DGAT1: variants seen among roughly 807,000 people sequenced by gnomAD.
DGAT1 encodes diacylglycerol O-acyltransferase 1, also known as ACAT related gene product 1.
Under a neutral mutation model 72.6 loss-of-function variants are expected in DGAT1, and 60 were observed. The ratio of observed to expected loss-of-function variants is 0.83; its 90% CI spans 0.67 to 1.02. The LOEUF is 1.02. Among genes scored for constraint, DGAT1 ranks in the 50% least tolerant of loss-of-function variants. The pLI is 0.00. For synonymous variants in DGAT1, 290 were observed against 267.5 expected, an observed-to-expected ratio of 1.08 and a Z score of -0.82; for missense variants, 592 against 670.0, an observed-to-expected ratio of 0.88 and a Z score of 1.29.
At position 144,314,999 on chromosome 8, in the gene DGAT1, G is replaced by A. The variant is rs564585153; in HGVS notation, c.*1555C>T. ...TCCCAAGGTGTTCGCACTCGGACAG[G>A]TGATGCGGGGCGGGCACACTGTCTT... On this transcript the variant is annotated 3_prime_UTR_variant, in exon 17 of 17. Transcript: ENST00000528718. 10 of 985,822 alleles carry A rather than the reference G, an allele frequency of 1.0e-5. No homozygotes were observed. The East Asian group carries it at 1.0e-3, about 101-fold the overall frequency. The allele number at this position is 985,822 out of a possible 1,614,324, so 61.1% of individuals were successfully genotyped here.
At position 144,316,482 on chromosome 8, in the gene DGAT1, G is replaced by C; in HGVS notation, c.*72C>G. 2.7e-6 allele frequency: 4 copies of C among 1,495,510 alleles called. No individual in the cohort carries two copies. In the South Asian group the frequency reaches 5.1e-5, roughly 19 times the overall value. The allele number at this position is 1,495,510 out of a possible 1,614,324, so 92.6% of individuals were successfully genotyped here. A position where few individuals can be genotyped will look rare whatever the true frequency, so the allele number is the denominator to read the frequency against. ...AGCCAGGCCCATCCCCAGCACTCGA[G>C]GCCTAGGAGGAGAGGTGGGCTCTGG... On this transcript the variant is annotated 3_prime_UTR_variant, in exon 17 of 17. Transcript: ENST00000528718.
intron 1 of DGAT1, among the ~76,000 whole-genome samples, 172 bp from the exon 2 acceptor site, chr8:144,321,580 T>C (rs1265680332): frequency 6.6e-6 from 1 of 152,058 alleles, no homozygotes; most frequent in Non-Finnish European, 1.5e-5. Flanking sequence ...AGACCTACAG[T>C]GGGCAAAGCT....
chr8:144,326,498 GCGCGTCCCC>G lies in DGAT1; in HGVS notation c.130_138del (p.Gly44_Ala46del). ...CCGTCCTTGTTGGGGGCCGGGGCTG[GCGCGTCCCC>G]CGCGGCTCCCACGTCGGGGCCCGCA... On this transcript the variant is annotated inframe_deletion, in exon 1 of 17. Transcript: ENST00000528718. 1 of 1,285,742 alleles carries G rather than the reference GCGCGTCCCC, an allele frequency of 7.8e-7. No individual in the cohort carries two copies. Among genetic ancestry groups the G allele is most frequent in the Non-Finnish European group, 9.9e-7 (1 of 1,012,564 alleles). 79.6% of individuals were successfully genotyped at this position (1,285,742 alleles called of 1,614,324 possible).
chr8:144,316,557 G>A lies in DGAT1; in HGVS notation c.1464C>T (p.Ala488=), dbSNP rs143224706. 2.0e-5 allele frequency: 32 copies of A among 1,592,120 alleles called. No homozygotes were observed. In the African/African-American group the frequency reaches 2.1e-4, roughly 11 times the overall value. Residue 488 remains alanine, a synonymous_variant, in exon 17 of 17, where the codon GCC becomes GCT. Transcript: ENST00000528718. ...VLNYEAPAAE[A] is the part of the protein sequence containing the mutation. ...AAGCCAGGCCCTCAGGTGCAGCTCAGGCCTCTGCCGCTGGGGCCTCATAGT... is the reference window on the plus strand; with the variant it reads ...AAGCCAGGCCCTCAGGTGCAGCTCAAGCCTCTGCCGCTGGGGCCTCATAGT...
chr8:144,317,163 C>T, intron 14 of DGAT1, 24 bp downstream of exon 14: 1 of 1,549,570 alleles, frequency 6.5e-7, no homozygotes, highest in East Asian at 2.3e-5. Context: ...TGTTCCACAT[C>T]ACACACACAC....
Position 144,321,404 on chromosome 8 carries a change from G to T in DGAT1, c.205C>A (p.His69Asn). ...CTGAATAAAGAATCCTGCAGGCGAT[G>T]GCACCTGACAGAGCACAACACAAGC... ...VGSGHWELRC[H>N]RLQDSLFSSD... is the part of the protein sequence containing the mutation. The change falls in exon 2 of 17, where the codon CAT becomes AAT. Residue 69 changes from histidine (H) to asparagine (N), a missense_variant. By Grantham distance (68) the His-to-Asn change is moderately conservative (BLOSUM62 1). Transcript: ENST00000528718. The T allele has an allele frequency of 6.2e-7, 1 of 1,613,776 alleles. No individual in the cohort carries two copies. The highest frequency in any genetic ancestry group is 1.1e-5 in the South Asian group (1 of 91,062).
chr8:144,324,138 C>G (rs1357878559), intron 1 of DGAT1, among the ~76,000 whole-genome samples: 6 of 152,230 alleles, frequency 3.9e-5, no homozygotes, highest in Non-Finnish European at 8.8e-5. Context: ...GAAAGGGGTG[C>G]CCTCTCCTGC....
At chr8:144,318,776 A>G (rs1554847738) in intron 4 of DGAT1, 25 bp from the exon 5 acceptor site, 1 of 1,607,018 alleles carries the variant, frequency 6.2e-7, no homozygotes, top group Admixed American at 1.7e-5. Flanking sequence ...ACCAAGGGGC[A>G]GGTTTAGGGC....
In DGAT1 at chr8:144,314,962, C is replaced by T. The variant is rs1817139565; in HGVS notation, c.*1592G>A. The T allele has an allele frequency of 1.0e-6, 1 of 985,898 alleles. No homozygotes were observed. Among genetic ancestry groups the T allele is most frequent in the African/African-American group, 1.7e-5 (1 of 57,332 alleles). The allele number at this position is 985,898 out of a possible 1,614,324, so 61.1% of individuals were successfully genotyped here. A position where few individuals can be genotyped will look rare whatever the true frequency, so the allele number is the denominator to read the frequency against. On this transcript the variant is annotated 3_prime_UTR_variant, in exon 17 of 17. Coordinates refer to ENST00000528718, the MANE Select transcript of DGAT1 (RefSeq NM_012079.6). ...GGGTCTCTGGTTGTCACAGGACCACCAGGAACCCCCTTCCCAAGGTGTTCG... is the reference window on the plus strand; with the variant it reads ...GGGTCTCTGGTTGTCACAGGACCACTAGGAACCCCCTTCCCAAGGTGTTCG...
chr8:144,318,386 C>T (rs1817324953), intron 6 of DGAT1, 24 bp from the exon 7 acceptor site: 1 of 1,609,250 alleles, frequency 6.2e-7, no homozygotes, highest in Non-Finnish European at 8.5e-7. Flanking sequence ...GGACTCAGGC[C>T]TCCACAGCGC....
intron 2 of DGAT1, 101 bp from the exon 3 acceptor site, chr8:144,319,169 C>T (rs1363625509): frequency 2.1e-6 from 3 of 1,409,720 alleles, no homozygotes; most frequent in Non-Finnish European, 2.9e-6. Flanking sequence ...AGCCCGAGCT[C>T]AGGGCGGCAG....
intron 1 of DGAT1, among the ~76,000 whole-genome samples, chr8:144,324,620 C>T (rs1192592795): frequency 3.3e-5 from 5 of 151,992 alleles, no homozygotes; most frequent in African/African-American, 4.8e-5. Context: ...ACTCACCAGG[C>T]CTCTCCCACG....
At chr8:144,319,442 A>G (rs914762773) in intron 2 of DGAT1, among the ~76,000 whole-genome samples, 2 of 152,200 alleles carry the variant, frequency 1.3e-5, no homozygotes, top group Admixed American at 1.3e-4. Context: ...AGGCTCCCAC[A>G]GCCAACCACA....
In DGAT1 at chr8:144,318,452, G is replaced by C; in HGVS notation, c.574+9C>G. 1 of 1,610,498 alleles carries C rather than the reference G, an allele frequency of 6.2e-7. No individual in the cohort carries two copies. The highest frequency in any genetic ancestry group is 8.5e-7 in the Non-Finnish European group (1 of 1,179,174). On this transcript the variant is annotated intron_variant, in intron 6 of 16. Coordinates refer to ENST00000528718, the MANE Select transcript of DGAT1 (RefSeq NM_012079.6). ...CGAGACAGATGGGCAGGGTGGGATG[G>C]GGGCGCACCTGGAGTGATAGACTCA...
At position 144,318,883 on chromosome 8, in the gene DGAT1, G is replaced by C. The variant is rs147412095; in HGVS notation, c.367C>G (p.Leu123Val). The change falls in exon 4 of 17, where the codon CTG becomes GTG. Residue 123 changes from leucine (L) to valine (V), a missense_variant. By Grantham distance (32) the Leu-to-Val change is conservative (BLOSUM62 1). Coordinates refer to ENST00000528718, the MANE Select transcript of DGAT1 (RefSeq NM_012079.6). ...CAGCTATAGGGATCCTTCAGGAACA[G>C]AGAAACCACCTGGATGGGGTCCACC... is the stretch of plus-strand genomic sequence containing the variant. ...ILVDPIQVVS[L>V]FLKDPYSWPA... 3 of 1,611,716 alleles carry C rather than the reference G, an allele frequency of 1.9e-6. No homozygotes were observed. The African/African-American group carries it at 4.0e-5, about 22-fold the overall frequency.
intron 2 of DGAT1, among the ~76,000 whole-genome samples, chr8:144,321,036 C>T (rs896161734): frequency 6.6e-6 from 1 of 152,154 alleles, no homozygotes; most frequent in Non-Finnish European, 1.5e-5. Flanking sequence ...GGCCTCCCCA[C>T]GCCCACACCA....
At chr8:144,320,431 C>T (rs1817416101) in intron 2 of DGAT1, among the ~76,000 whole-genome samples, 1 of 152,192 alleles carries the variant, frequency 6.6e-6, no homozygotes, top group Non-Finnish European at 1.5e-5. Flanking sequence ...CCCCAGGGAA[C>T]CTTCTAGGAC....
At chr8:144,326,335 G>C in intron 1 of DGAT1, 102 bp downstream of exon 1, 3 of 1,117,846 alleles carry the variant, frequency 2.7e-6, no homozygotes, top group Non-Finnish European at 3.5e-6. Flanking sequence ...TCCCCGCTTA[G>C]CCCAGGGCCC....
At chr8:144,321,432 C>T in intron 1 of DGAT1, 24 bp from the exon 2 acceptor site, 1 of 1,610,868 alleles carries the variant, frequency 6.2e-7, no homozygotes. Flanking sequence ...ACACAAGCAC[C>T]CCCTGAGTGG....
Sources: allele counts gnomAD v4.1 joint callset (sites outside exome capture counted in the v4.1 genomes callset), GRCh38; gene constraint gnomAD v4.1.1; transcripts MANE v1.5; gene names NCBI Gene and HGNC (gene_info 2026-07-23, HGNC 2026-07-21).